Variants in ZNF263 observed in about 807,000 individuals in gnomAD.
ZNF263 encodes zinc finger protein FPM315.
Under a neutral mutation model 63.1 loss-of-function variants are expected in ZNF263, and 49 were observed. That is an observed-to-expected ratio of 0.78 (90% CI 0.62 to 0.99). The LOEUF (loss-of-function observed/expected upper bound fraction) is 0.99, where lower values mean the gene tolerates loss of function less well. ZNF263 is among the 50% of genes least tolerant of loss of function. ZNF263 has a pLI of 0.00. For synonymous variants in ZNF263, 352 were observed against 324.2 expected, an observed-to-expected ratio of 1.09 and a Z score of -0.92; for missense variants, 872 against 854.8, an observed-to-expected ratio of 1.02 and a Z score of -0.25.
intron 1 of ZNF263, among the ~76,000 whole-genome samples, chr16:3,296,473 CT>C (rs577783388): frequency 1.2e-3 from 183 of 152,226 alleles, no homozygotes; most frequent in African/African-American, 4.2e-3. Context: ...TAATTACTAC[CT>C]TCGCCCTCAC....
rs367864260 is a variant in ZNF263 at position 3,288,553 on chromosome 16, C to G, written c.869C>G (p.Pro290Arg). ...CAGAGCTGCAAGGAGGGCCTGAGCC[C>G]CAGAGGCCCAGCTCCAGGTAAGGAA... ...SVQSCKEGLS[P>R]RGPAPGEEKF... Residue 290 changes from proline (P) to arginine (R), a missense_variant, in exon 5 of 6, where the codon CCC becomes CGC. Physicochemically the swap from Pro to Arg is moderately radical, Grantham distance 103. Transcript: ENST00000219069. The G allele has an allele frequency of 6.2e-7, 1 of 1,610,494 alleles. No individual in the cohort carries two copies. The highest frequency in any genetic ancestry group is 1.3e-5 in the African/African-American group (1 of 74,786).
In ZNF263 at chr16:3,289,746, A is replaced by C; in HGVS notation, c.1240A>C (p.Ile414Leu). Residue 414 changes from isoleucine (I) to leucine (L), a missense_variant, in exon 6 of 6, where the codon ATC (isoleucine) becomes CTC (leucine). Ile to Leu is a conservative substitution (Grantham distance 5). Transcript: ENST00000219069. ...GTGTATGGGTGTGGACTGCACTGAA[A>C]TCTTTGGTGGGAACCCACGTTTCCT... ...RLCMGVDCTE[I>L]FGGNPRFLSL... 1 of 1,614,216 alleles carries C rather than the reference A, an allele frequency of 6.2e-7. No homozygotes were observed. The highest frequency in any genetic ancestry group is 8.5e-7 in the Non-Finnish European group (1 of 1,180,044).
At chr16:3,295,996 G>C (rs1012474990), downstream of ZNF263, among the ~76,000 whole-genome samples, 10 of 152,156 alleles carry the variant, frequency 6.6e-5, 1 homozygote, top group African/African-American at 2.4e-4. Flanking sequence ...TTGCCTGGGA[G>C]ATACACGTGC....
At chr16:3,284,256 C>T in intron 1 of ZNF263, 51 bp downstream of exon 1, 2 of 1,460,290 alleles carry the variant, frequency 1.4e-6, no homozygotes, top group Non-Finnish European at 1.8e-6. Context: ...GCCCTGAGCA[C>T]TGGGACATTG....
In ZNF263 at chr16:3,289,740, A is replaced by G. The variant is rs1311805537; in HGVS notation, c.1234A>G (p.Thr412Ala). The change falls in exon 6 of 6, where the codon ACT becomes GCT. Residue 412 changes from threonine (T) to alanine (A), a missense_variant. Coordinates refer to ENST00000219069, the MANE Select transcript of ZNF263 (RefSeq NM_005741.5). ...AERLCMGVDC[T>A]EIFGGNPRFL... ...AAGACTGTGTATGGGTGTGGACTGCACTGAAATCTTTGGTGGGAACCCACG... is the reference window on the plus strand; with the variant it reads ...AAGACTGTGTATGGGTGTGGACTGCGCTGAAATCTTTGGTGGGAACCCACG... 1 of 1,614,208 alleles carries G rather than the reference A, an allele frequency of 6.2e-7. No homozygotes were observed. Among genetic ancestry groups the G allele is most frequent in the South Asian group, 1.1e-5 (1 of 91,088 alleles).
downstream of ZNF263, among the ~76,000 whole-genome samples, chr16:3,295,750 A>C (rs2150776876): frequency 1.3e-5 from 2 of 152,374 alleles, no homozygotes; most frequent in Admixed American, 6.5e-5. Flanking sequence ...AAAGGAAGGC[A>C]GGGCAACTGA....
chr16:3,299,863 G>T, intron 2 of ZNF263: 1 of 1,596,576 alleles, frequency 6.3e-7, no homozygotes, highest in Non-Finnish European at 8.5e-7. Context: ...ATCTTTACTG[G>T]GTTTATATAT....
intron 4 of ZNF263, 71 bp downstream of exon 4, chr16:3,286,220 C>A: frequency 6.6e-7 from 1 of 1,507,250 alleles, no homozygotes; most frequent in Non-Finnish European, 8.8e-7. Context: ...ATTCATTCAC[C>A]TCCTGGACAC....
At position 3,290,904 on chromosome 16, in the gene ZNF263, G is replaced by T; in HGVS notation, c.*346G>T. 9.7e-7 allele frequency: 1 copy of T among 1,034,970 alleles called. No individual in the cohort carries two copies. The highest frequency in any genetic ancestry group is 1.2e-6 in the Non-Finnish European group (1 of 859,540). 64.1% of individuals were successfully genotyped at this position (1,034,970 alleles called of 1,614,324 possible). The stretch of plus-strand genomic sequence containing the variant: ...TACCTTAACAAGTTTGGGAATCCAT[G>T]TGATGTTTTTGATACTTCTTCCTCA... On this transcript the variant is annotated 3_prime_UTR_variant, in exon 6 of 6. Coordinates refer to ENST00000219069, the MANE Select transcript of ZNF263 (RefSeq NM_005741.5).
chr16:3,289,942 G>A lies in ZNF263; in HGVS notation c.1436G>A (p.Arg479Lys), dbSNP rs1190200369. Residue 479 changes from arginine to lysine, a missense_variant, in exon 6 of 6, where the codon AGG becomes AAG. Transcript: ENST00000219069. The part of the protein sequence containing the change: ...KCFSCNSNLH[R>K]HQRTHTGEKP... ...TTCTCCTGCAACTCCAACCTCCACA[G>A]GCACCAGAGAACGCACACTGGGGAG... 1 of 1,614,150 alleles carries A rather than the reference G, an allele frequency of 6.2e-7. No individual in the cohort carries two copies. The highest frequency in any genetic ancestry group is 2.2e-5 in the East Asian group (1 of 44,874).
At position 3,285,218 on chromosome 16, in the gene ZNF263, C is replaced by A; in HGVS notation, c.547C>A (p.Pro183Thr). The A allele has an allele frequency of 6.2e-7, 1 of 1,613,182 alleles. No individual in the cohort carries two copies. Among genetic ancestry groups the A allele is most frequent in the South Asian group, 1.1e-5 (1 of 91,018 alleles). The change falls in exon 2 of 6, where the codon CCC (proline) becomes ACC (threonine). Residue 183 changes from proline to threonine, a missense_variant. Coordinates refer to ENST00000219069, the MANE Select transcript of ZNF263 (RefSeq NM_005741.5). ...ELLGPSPQRD[P>T]QAVKERALSA... ...GCTAGGCCCCAGCCCCCAAAGGGAC[C>A]CCCAGGCTGTAAAGGAGAGGGGTGA...
intron 4 of ZNF263, among the ~76,000 whole-genome samples, chr16:3,287,271 C>T (rs1460501247): frequency 3.9e-5 from 6 of 152,090 alleles, no homozygotes; most frequent in Non-Finnish European, 7.4e-5. Context: ...CCACCACACC[C>T]GGCTAATTTT....
downstream of ZNF263, among the ~76,000 whole-genome samples, chr16:3,294,107 A>G (rs1169228691): frequency 6.6e-6 from 1 of 152,136 alleles, no homozygotes; most frequent in Admixed American, 6.5e-5. Context: ...TTCTATTTTT[A>G]GTAGAGACCG....
intron 2 of ZNF263, 86 bp from the exon 3 acceptor site, chr16:3,285,595 T>A: frequency 7.3e-7 from 1 of 1,362,538 alleles, no homozygotes; most frequent in Non-Finnish European, 1.0e-6. Flanking sequence ...AGGCTGGGTG[T>A]TGGGGAATGG....
At chr16:3,299,837 C>G (rs763707636) in intron 2 of ZNF263, 9 of 1,590,370 alleles carry the variant, frequency 5.7e-6, no homozygotes, top group Admixed American at 3.7e-5. Context: ...GAAAACAATT[C>G]TCTGGTGAAC....
rs1959594664 is a variant in ZNF263 at position 3,291,004 on chromosome 16, A to G, written c.*446A>G. The G allele has an allele frequency of 5.0e-6, 5 of 998,416 alleles. No homozygotes were observed. The highest frequency in any genetic ancestry group is 4.3e-5 in the South Asian group (1 of 23,454). The allele number at this position is 998,416 out of a possible 1,614,324, so 61.8% of individuals were successfully genotyped here. A position where few individuals can be genotyped will look rare whatever the true frequency, so the allele number is the denominator to read the frequency against. On this transcript the variant is annotated 3_prime_UTR_variant, in exon 6 of 6. Transcript: ENST00000219069. Reference sequence around the variant, plus strand: ...AAGAAGAGGGGCCAAGTACCCTGGGAAATCAGCTGAAGGTCAACAAAAGAC... The same window carrying G: ...AAGAAGAGGGGCCAAGTACCCTGGGGAATCAGCTGAAGGTCAACAAAAGAC...
intron 3 of ZNF263, 73 bp downstream of exon 3, chr16:3,285,827 T>A (rs763250039): frequency 2.6e-5 from 41 of 1,574,312 alleles, no homozygotes; most frequent in Non-Finnish European, 3.4e-5. Context: ...GGGTTCTCCA[T>A]GTGGAAGGTC....
At position 3,285,071 on chromosome 16, in the gene ZNF263, G is replaced by A. The variant is rs372228823; in HGVS notation, c.400G>A (p.Gly134Arg). The part of the protein sequence containing the change: ...GRLRQQVTNH[G>R]RGTEVLLEEP... ...GGTTGGTTCCCAGGTCACAAACCAT[G>A]GGCGGGGAACAGAAGTGCTTTTGGA... The change falls in exon 2 of 6, where the codon GGG (glycine) becomes AGG (arginine). Residue 134 changes from glycine (G) to arginine (R), a missense_variant. Transcript: ENST00000219069. The A allele has an allele frequency of 1.2e-5, 20 of 1,614,052 alleles. No homozygotes were observed. In the African/African-American group the frequency reaches 2.3e-4, roughly 18 times the overall value.
At chr16:3,287,246 G>C (rs1047641120) in intron 4 of ZNF263, among the ~76,000 whole-genome samples, 7 of 152,126 alleles carry the variant, frequency 4.6e-5, no homozygotes, top group Non-Finnish European at 1.0e-4. Flanking sequence ...GAGTAGCTGG[G>C]ATTACAGGCA....
Sources: gnomAD v4.1 joint callset for allele counts (sites outside exome capture counted in the v4.1 genomes callset) on GRCh38, gnomAD v4.1.1 for gene constraint, MANE v1.5 for transcripts, NCBI Gene and HGNC (gene_info 2026-07-23, HGNC 2026-07-21) for gene names.